The following MYH14 variants were observed in gnomAD, a reference collection of about 807,000 sequenced individuals.
MYH14 encodes myosin heavy chain 14.
MYH14 carries 123 observed loss-of-function variants against 255.5 expected under a neutral mutation model. That is an observed-to-expected ratio of 0.48 (90% CI 0.42 to 0.56). The LOEUF is 0.56. Among genes scored for constraint, MYH14 ranks in the 20% least tolerant of loss-of-function variants. The probability of loss-of-function intolerance (pLI) is 0.00; values close to 1 mark genes in which losing one functional copy is unlikely to be tolerated. For synonymous variants in MYH14, 1,095 were observed against 1,161.2 expected, an observed-to-expected ratio of 0.94 and a Z score of 1.16; for missense variants, 2,423 against 2,802.3, an observed-to-expected ratio of 0.86 and a Z score of 3.06.
intron 33 of MYH14, among the ~76,000 whole-genome samples, chr19:50,282,224 G>A (rs2035749754): frequency 1.3e-5 from 2 of 152,072 alleles, no homozygotes; most frequent in Admixed American, 6.6e-5. Context: ...GCTTCAGTTC[G>A]CCCATCTGGA....
intron 11 of MYH14, among the ~76,000 whole-genome samples, chr19:50,245,473 G>C (rs1261858117): frequency 6.8e-6 from 1 of 147,096 alleles, no homozygotes; most frequent in Non-Finnish European, 1.5e-5. Flanking sequence ...GAAAGAAAAA[G>C]AAAAAGAAAG....
chr19:50,294,507 T>C (rs1281814197), intron 39 of MYH14, among the ~76,000 whole-genome samples: 1 of 149,210 alleles, frequency 6.7e-6, no homozygotes, highest in Non-Finnish European at 1.5e-5. Context: ...CTATCTCGGC[T>C]CACTGCAACC....
rs768323628 is a variant in MYH14, at chr19:50,276,933, G to T, written c.3825+32G>T. On this transcript the variant is annotated intron_variant, in intron 29 of 42. Transcript: ENST00000642316. This position sits in a 1 kb window ranked among gnomAD's most constrained non-coding sequence, Gnocchi z 4.3. ...TGGGGCAGGGGGACAGGGCAGGGGGGCCACGGGGAGGGCAGGGCAGGACGC... is the reference window on the plus strand; with the variant it reads ...TGGGGCAGGGGGACAGGGCAGGGGGTCCACGGGGAGGGCAGGGCAGGACGC... 2 of 1,076,206 alleles carry T rather than the reference G, an allele frequency of 1.9e-6. No homozygotes were observed. The highest frequency in any genetic ancestry group is 1.6e-5 in the African/African-American group (1 of 62,296). The allele number at this position is 1,076,206 out of a possible 1,614,324, so 66.7% of individuals were successfully genotyped here. A position where few individuals can be genotyped will look rare whatever the true frequency, so the allele number is the denominator to read the frequency against.
intron 10 of MYH14, 54 bp from the exon 11 acceptor site, chr19:50,244,188 A>G (rs1469234996): frequency 6.6e-7 from 1 of 1,509,592 alleles, no homozygotes; most frequent in Admixed American, 1.7e-5. Flanking sequence ...GGGCCAGTTA[A>G]GACCACACAT....
intron 33 of MYH14, among the ~76,000 whole-genome samples, chr19:50,283,125 AT>A (rs5828430): frequency 4.8e-4 from 72 of 148,666 alleles, no homozygotes; most frequent in East Asian, 9.8e-4. Flanking sequence ...ACTCAAAATA[AT>A]TTTTTTTTTT....
chr19:50,223,398 C>T, intron 5 of MYH14, 49 bp downstream of exon 5: 1 of 1,273,108 alleles, frequency 7.9e-7, no homozygotes, highest in Non-Finnish European at 1.1e-6. Flanking sequence ...ACAGCACTGC[C>T]CCTTCCATCT....
rs189469456 is a variant in MYH14, at chr19:50,238,600, C to T, written c.1115-5642C>T. 7.9e-5 allele frequency among the ~76,000 whole-genome samples: 12 copies of T among 152,154 alleles called. No individual in the cohort carries two copies. The East Asian group carries it at 1.2e-3, about 15-fold the overall frequency. ...CCGAGCAGCTGAGATTATAGGCGCT[C>T]GCCACCACACCCAGCTTATATTTTG... On this transcript the variant is annotated intron_variant, in intron 10 of 42. Transcript: ENST00000642316.
Position 50,308,907 on chromosome 19 carries a change from CAG to C in MYH14, c.5788-97_5788-96del, listed in dbSNP as rs1292762693. 3 of 1,191,274 alleles carry C rather than the reference CAG, an allele frequency of 2.5e-6. No homozygotes were observed. In the African/African-American group the frequency reaches 4.6e-5, roughly 18 times the overall value. 73.8% of individuals were successfully genotyped at this position (1,191,274 alleles called of 1,614,324 possible). ...GAGCAGAGGATGGGGCAGAGAGAGT[CAG>C]GGGGCAGTAGGGATGGGGCAGTAGT... On this transcript the variant is annotated intron_variant, in intron 41 of 42. Coordinates refer to ENST00000642316, the MANE Select transcript of MYH14 (RefSeq NM_001145809.2).
At chr19:50,290,230 C>G (rs1485387787) in intron 35 of MYH14, among the ~76,000 whole-genome samples, 2 of 151,348 alleles carry the variant, frequency 1.3e-5, no homozygotes, top group African/African-American at 2.4e-5. Context: ...TAGTCACTGA[C>G]TCACTGACCT....
At position 50,276,203 on chromosome 19, in the gene MYH14, G is replaced by T; in HGVS notation, c.3680G>T (p.Arg1227Leu). 6.5e-7 allele frequency: 1 copy of T among 1,533,786 alleles called. No individual in the cohort carries two copies. Among genetic ancestry groups the T allele is most frequent in the Non-Finnish European group, 8.8e-7 (1 of 1,138,844 alleles). Residue 1227 changes from arginine to leucine, a missense_variant and splice_region_variant, in exon 28 of 43, where the codon CGG becomes CTG. Transcript: ENST00000642316. This position sits in a 1 kb window ranked among gnomAD's most constrained non-coding sequence, Gnocchi z 4.3. ...TCCACCAACGCACAGCAGGAGCTCCGGTGAGGCCCGGTGGCAGGCCGCTGT... is the reference window on the plus strand; with the variant it reads ...TCCACCAACGCACAGCAGGAGCTCCTGTGAGGCCCGGTGGCAGGCCGCTGT... ...LDSTNAQQEL[R>L]SKREQEVTEL...
intron 8 of MYH14, 113 bp downstream of exon 8, chr19:50,227,079 G>A: frequency 3.5e-6 from 2 of 568,326 alleles, no homozygotes; most frequent in South Asian, 2.9e-5. Context: ...ACTCAGATGG[G>A]ACCTGATGCT....
chr19:50,303,732 T>G (rs185084523), intron 40 of MYH14, among the ~76,000 whole-genome samples: 23 of 152,274 alleles, frequency 1.5e-4, no homozygotes, highest in Admixed American at 1.5e-3. Flanking sequence ...TGTGTTGTTT[T>G]TTAGTCTTTT....
rs1299130911 is a variant in MYH14, at chr19:50,221,631, C to A, written c.563-1452C>A. Among the ~76,000 whole-genome samples, 2 of 152,110 alleles carry A rather than the reference C, an allele frequency of 1.3e-5. No individual in the cohort carries two copies. The highest frequency in any genetic ancestry group is 2.9e-5 in the Non-Finnish European group (2 of 68,022). On this transcript the variant is annotated intron_variant, in intron 3 of 42. Transcript: ENST00000642316. This position sits in a 1 kb window ranked among gnomAD's most constrained non-coding sequence, Gnocchi z 5.3. The stretch of plus-strand genomic sequence containing the variant: ...AGCTGGGGATTATAGGTGGCGCCAC[C>A]ATGCCTGGCTAATTTTTGTATTTTT...
intron 21 of MYH14, among the ~76,000 whole-genome samples, chr19:50,262,667 T>C (rs182164618): frequency 3.3e-5 from 5 of 151,640 alleles, no homozygotes; most frequent in African/African-American, 1.2e-4. Flanking sequence ...GTGGGTCAGC[T>C]CTGGGTGTAG....
Position 50,293,684 on chromosome 19 carries a change from G to A in MYH14, c.5466G>A (p.Leu1822=), listed in dbSNP as rs10419343. The A allele has an allele frequency of 2.1e-3, 3,273 of 1,572,288 alleles. 52 individuals are homozygous for A. In the African/African-American group the frequency reaches 0.035, roughly 17 times the overall value. The change falls in exon 39 of 43, where the codon CTG becomes CTA. Residue 1822 remains leucine, a synonymous_variant. Coordinates refer to ENST00000642316, the MANE Select transcript of MYH14 (RefSeq NM_001145809.2). The surrounding 1 kb of genome is among the most constrained non-coding windows in gnomAD (Gnocchi z 4.1). ...LLNDRYRKLL[L]QVESLTTELS... ...ATGACCGCTACCGCAAGCTGCTCCT[G>A]CAGGTGAGCGTGATTGACCGCCCCC...
chr19:50,237,646 G>A (rs2033719724), intron 10 of MYH14, among the ~76,000 whole-genome samples: 1 of 152,188 alleles, frequency 6.6e-6, no homozygotes, highest in Non-Finnish European at 1.5e-5. Flanking sequence ...TTTTTAAATT[G>A]CAGAGAATCT....
chr19:50,240,622 T>G (rs661808), intron 10 of MYH14, among the ~76,000 whole-genome samples: 77,501 of 150,720 alleles, frequency 0.51, 20,342 homozygotes, highest in African/African-American at 0.63. Flanking sequence ...AAAAGGAAAA[T>G]GGAAGCACAG....
intron 3 of MYH14, among the ~76,000 whole-genome samples, chr19:50,222,479 CAAA>C (rs542179852): frequency 2.9e-5 from 2 of 69,856 alleles, no homozygotes; most frequent in Non-Finnish European, 2.7e-5. Flanking sequence ...GACTCCGTCT[CAAA>C]AAAAAAAAAA....
At position 50,210,789 on chromosome 19, in the gene MYH14, G is replaced by T; in HGVS notation, c.405+19G>T. On this transcript the variant is annotated intron_variant, in intron 2 of 42. Transcript: ENST00000642316. ...CATCTACGTGAGTGGGCTCCTGCTG[G>T]GGGGCGCGTGCGGCGGAGTTGCTGC... 4 of 1,549,310 alleles carry T rather than the reference G, an allele frequency of 2.6e-6. No individual in the cohort carries two copies. The highest frequency in any genetic ancestry group is 1.2e-5 in the South Asian group (1 of 82,178).
Sources: allele counts gnomAD v4.1 joint callset (sites outside exome capture counted in the v4.1 genomes callset), GRCh38; gene constraint gnomAD v4.1.1; non-coding constraint Gnocchi (gnomAD v3.1); transcripts MANE v1.5; gene names NCBI Gene and HGNC (gene_info 2026-07-23, HGNC 2026-07-21).